Variants in ADAMTSL1 observed in about 807,000 individuals in gnomAD.
ADAMTSL1 encodes ADAMTS like 1, also known as ADAMTS-like protein 1.
A neutral mutation model predicts 201.8 loss-of-function variants in ADAMTSL1; 126 were observed. That is an observed-to-expected ratio of 0.62 (90% CI 0.54 to 0.72). The LOEUF (loss-of-function observed/expected upper bound fraction) is 0.72, where lower values mean the gene tolerates loss of function less well. Ranked by LOEUF, ADAMTSL1 falls within the 30% of genes least tolerant of loss-of-function variation. The probability of loss-of-function intolerance (pLI) is 0.00; values close to 1 mark genes in which losing one functional copy is unlikely to be tolerated. For synonymous variants in ADAMTSL1, 1,121 were observed against 903.4 expected (o/e 1.24, Z -4.32); for missense variants, 2,679 against 2,277.8 (o/e 1.18, Z -3.59).
chr9:18,379,979 A>G (rs1465244744), intron 2 of ADAMTSL1, among the ~76,000 whole-genome samples: 1 of 152,186 alleles, frequency 6.6e-6, no homozygotes, highest in African/African-American at 2.4e-5. Context: ...GAATGGGATC[A>G]CTGAATTTTG....
intron 23 of ADAMTSL1, among the ~76,000 whole-genome samples, chr9:18,844,384 G>A (rs766158027): frequency 8.9e-4 from 136 of 152,122 alleles, no homozygotes; most frequent in African/African-American, 1.7e-3. Flanking sequence ...CTGTCTGATC[G>A]TTCCTCTGAA....
At chr9:18,586,704 G>A (rs1453499371) in intron 4 of ADAMTSL1, among the ~76,000 whole-genome samples, 1 of 151,944 alleles carries the variant, frequency 6.6e-6, no homozygotes, top group East Asian at 1.9e-4. Context: ...TATAGTACAG[G>A]ACTACAGTGA....
chr9:18,136,445 G>A (rs370543860), intron 1 of ADAMTSL1, among the ~76,000 whole-genome samples: 8 of 152,106 alleles, frequency 5.3e-5, no homozygotes, highest in South Asian at 2.1e-4. Flanking sequence ...ATATTAACAC[G>A]AAAAACAGTC....
intron 26 of ADAMTSL1, 118 bp from the exon 27 acceptor site, chr9:18,905,664 G>T: frequency 1.4e-6 from 1 of 718,256 alleles, no homozygotes; most frequent in Non-Finnish European, 2.4e-6. Context: ...AAGATGAATG[G>T]TCTGAGAGCC....
intron 5 of ADAMTSL1, among the ~76,000 whole-genome samples, chr9:18,625,080 G>A (rs538049486): frequency 6.6e-6 from 1 of 152,222 alleles, no homozygotes; most frequent in East Asian, 1.9e-4. Flanking sequence ...CCACTGGCAG[G>A]GAACATGAGG....
intron 9 of ADAMTSL1, among the ~76,000 whole-genome samples, chr9:18,671,556 A>C (rs147686067): frequency 7.0e-4 from 107 of 152,280 alleles, no homozygotes; most frequent in African/African-American, 2.5e-3. Context: ...GGTGGTCGTG[A>C]TAACAGGAGA....
At chr9:17,978,834 C>T (rs1207299780) in intron 1 of ADAMTSL1, among the ~76,000 whole-genome samples, 7 of 152,034 alleles carry the variant, frequency 4.6e-5, no homozygotes, top group African/African-American at 1.7e-4. Context: ...TTGAAGAACC[C>T]TTTAGCATTT....
intron 15 of ADAMTSL1, among the ~76,000 whole-genome samples, chr9:18,739,591 A>G (rs1391887956): frequency 6.6e-6 from 1 of 152,228 alleles, no homozygotes; most frequent in East Asian, 1.9e-4. Context: ...CAAAACATCA[A>G]AGAGTAAAAC....
At chr9:18,169,422 G>A (rs1184053123) in intron 2 of ADAMTSL1, among the ~76,000 whole-genome samples, 1 of 152,096 alleles carries the variant, frequency 6.6e-6, no homozygotes, top group Non-Finnish European at 1.5e-5. Context: ...GTTTGCCAAA[G>A]ATCAGATAGT....
intron 2 of ADAMTSL1, among the ~76,000 whole-genome samples, chr9:18,201,139 C>T (rs976062465): frequency 2.0e-5 from 3 of 151,990 alleles, no homozygotes; most frequent in Non-Finnish European, 4.4e-5. Context: ...AAAGCATAGA[C>T]AGTTTATCAA....
chr9:18,099,356 T>TATATATATA (rs60877701), intron 1 of ADAMTSL1, among the ~76,000 whole-genome samples: 199 of 39,490 alleles, frequency 5.0e-3, no homozygotes, highest in Non-Finnish European at 6.4e-3. Context: ...TATATATATA[T>TATATATATA]TTTTTTTTTT....
At chr9:18,334,603 T>G (rs1422932010) in intron 2 of ADAMTSL1, among the ~76,000 whole-genome samples, 2 of 152,176 alleles carry the variant, frequency 1.3e-5, no homozygotes, top group African/African-American at 4.8e-5. Context: ...CTGGACATAC[T>G]TACAAATCAT....
intron 26 of ADAMTSL1, among the ~76,000 whole-genome samples, chr9:18,903,082 G>A (rs989146882): frequency 6.6e-6 from 1 of 152,150 alleles, no homozygotes; most frequent in Non-Finnish European, 1.5e-5. Context: ...GTGGGTGCCT[G>A]TAGTCCCAGC....
intron 2 of ADAMTSL1, among the ~76,000 whole-genome samples, chr9:18,215,030 A>G (rs1316336815): frequency 6.6e-6 from 1 of 152,206 alleles, no homozygotes; most frequent in African/African-American, 2.4e-5. Flanking sequence ...AAAAACAACA[A>G]CTAAATTCTT....
At chr9:18,302,001 A>G (rs1319087858) in intron 2 of ADAMTSL1, among the ~76,000 whole-genome samples, 1 of 152,186 alleles carries the variant, frequency 6.6e-6, no homozygotes, top group African/African-American at 2.4e-5. Flanking sequence ...AGTATGTCCA[A>G]AGAGAAAGTC....
intron 2 of ADAMTSL1, among the ~76,000 whole-genome samples, chr9:18,255,899 A>T (rs191211676): frequency 2.0e-5 from 3 of 152,322 alleles, no homozygotes; most frequent in Admixed American, 1.3e-4. Context: ...AGCAGAGATT[A>T]TAATCTGTTT....
chr9:18,188,244 T>C (rs1944761), intron 2 of ADAMTSL1, among the ~76,000 whole-genome samples: 112,715 of 152,010 alleles, frequency 0.74, 41,986 homozygotes, highest in South Asian at 0.81. Flanking sequence ...CTTTTTCATA[T>C]GGTTCCAGAA....
rs571626420 is a variant in ADAMTSL1 at position 18,879,900 on chromosome 9, C to G, written c.4250-7931C>G. Among the ~76,000 whole-genome samples, 6 of 152,328 alleles carry G rather than the reference C, an allele frequency of 3.9e-5. No individual in the cohort carries two copies. In the East Asian group the frequency reaches 9.6e-4, roughly 24 times the overall value. ...CAAAATTGGTGTCAATCCTCTCAAA[C>G]CCTGCCACTGCTTTATTAATTAAGT... On this transcript the variant is annotated intron_variant, in intron 23 of 28. Transcript: ENST00000380548.
intron 26 of ADAMTSL1, among the ~76,000 whole-genome samples, chr9:18,904,104 G>A (rs1341976383): frequency 1.3e-5 from 2 of 151,992 alleles, no homozygotes; most frequent in Non-Finnish European, 2.9e-5. Context: ...GCATAGCTGG[G>A]AATACAGGCA....
Sources: allele counts gnomAD v4.1 joint callset (sites outside exome capture counted in the v4.1 genomes callset), GRCh38; gene constraint gnomAD v4.1.1; transcripts MANE v1.5; gene names NCBI Gene and HGNC (gene_info 2026-07-23, HGNC 2026-07-21).